ADAM9: variants seen among roughly 807,000 people sequenced by gnomAD.
ADAM9 encodes the protein disintegrin and metalloproteinase domain-containing protein 9.
ADAM9 carries 54 observed loss-of-function variants against 108.1 expected under a neutral mutation model. The observed-to-expected ratio is 0.50, with a 90% CI of 0.40 to 0.63. The LOEUF is 0.63. Ranked by LOEUF, ADAM9 falls within the 20% of genes least tolerant of loss-of-function variation. The pLI is 0.00. For missense variants in ADAM9, 830 were observed against 997.7 expected, an observed-to-expected ratio of 0.83 and a Z score of 2.26; for synonymous variants, 316 against 336.0, an observed-to-expected ratio of 0.94 and a Z score of 0.65.
At position 39,055,706 on chromosome 8, in the gene ADAM9, A is replaced by G; in HGVS notation, c.1525A>G (p.Lys509Glu). 6.2e-7 allele frequency: 1 copy of G among 1,613,810 alleles called. No homozygotes were observed. Among genetic ancestry groups the G allele is most frequent in the African/African-American group, 1.3e-5 (1 of 75,048 alleles). The change falls in exon 14 of 22, where the codon AAA (lysine) becomes GAA (glutamate). Residue 509 changes from lysine to glutamate, a missense_variant. Coordinates refer to ENST00000487273, the MANE Select transcript of ADAM9 (RefSeq NM_003816.3). Reference sequence around the variant, plus strand: ...GAATGGATATCCTTGCCAGAATAACAAAGCCTATTGCTACAACGGCATGTG... The same window carrying G: ...GAATGGATATCCTTGCCAGAATAACGAAGCCTATTGCTACAACGGCATGTG... ...IQNGYPCQNNKAYCYNGMCQY... is the reference protein window; with the variant it reads ...IQNGYPCQNNEAYCYNGMCQY...
Position 39,014,666 on chromosome 8 carries a change from C to T in ADAM9, c.333+623C>T, listed in dbSNP as rs1384205106. 6.0e-6 allele frequency: 4 copies of T among 670,730 alleles called. No individual in the cohort carries two copies. In the African/African-American group the frequency reaches 7.2e-5, roughly 12 times the overall value. 41.5% of individuals were successfully genotyped at this position (670,730 alleles called of 1,614,324 possible). ...TCCTTTTTGGCAGTTAGGTATTATACCTTTTTTTCTTTTGCAATGGTTTTC... is the reference window on the plus strand; with the variant it reads ...TCCTTTTTGGCAGTTAGGTATTATATCTTTTTTTCTTTTGCAATGGTTTTC... On this transcript the variant is annotated intron_variant, in intron 4 of 21. Coordinates refer to ENST00000487273, the MANE Select transcript of ADAM9 (RefSeq NM_003816.3).
At chr8:39,046,705 A>G (rs1042175842) in intron 12 of ADAM9, among the ~76,000 whole-genome samples, 2 of 152,104 alleles carry the variant, frequency 1.3e-5, no homozygotes, top group African/African-American at 2.4e-5. Context: ...TTCTGTATCT[A>G]TTGAGATGAT....
intron 14 of ADAM9, among the ~76,000 whole-genome samples, chr8:39,067,249 C>G (rs982140511): frequency 1.5e-4 from 23 of 152,064 alleles, no homozygotes; most frequent in Non-Finnish European, 5.9e-5. Context: ...TTTTTTGGTT[C>G]CATATGAACT....
chr8:39,012,795 G>A (rs528572412), intron 3 of ADAM9, among the ~76,000 whole-genome samples: 10 of 152,134 alleles, frequency 6.6e-5, no homozygotes, highest in Admixed American at 1.3e-4. Context: ...AGGGCCTGTC[G>A]TGGGGTAGGG....
At chr8:39,021,343 C>T (rs1037651687) in intron 7 of ADAM9, among the ~76,000 whole-genome samples, 12 of 151,968 alleles carry the variant, frequency 7.9e-5, no homozygotes, top group African/African-American at 1.7e-4. Flanking sequence ...AGTGAAATGG[C>T]GGGATCTTGG....
At chr8:39,052,996 C>T (rs982359419) in intron 12 of ADAM9, among the ~76,000 whole-genome samples, 1 of 152,092 alleles carries the variant, frequency 6.6e-6, no homozygotes, top group Non-Finnish European at 1.5e-5. Context: ...ACCAATACTT[C>T]GTGTGGTCAG....
rs533209787 is a variant in ADAM9 at position 39,001,689 on chromosome 8, A to T, written c.97+4529A>T. Among the ~76,000 whole-genome samples, 7 of 150,088 alleles carry T rather than the reference A, an allele frequency of 4.7e-5. No individual in the cohort carries two copies. In the South Asian group the frequency reaches 1.5e-3, roughly 32 times the overall value. ...GAAGGTAGTTTTTTTTTTTTTTGAGATGGAGTCTCACACTGTTGCCCAGAC... is the reference window on the plus strand; with the variant it reads ...GAAGGTAGTTTTTTTTTTTTTTGAGTTGGAGTCTCACACTGTTGCCCAGAC... On this transcript the variant is annotated intron_variant, in intron 1 of 21. Coordinates refer to ENST00000487273, the MANE Select transcript of ADAM9 (RefSeq NM_003816.3).
intron 14 of ADAM9, among the ~76,000 whole-genome samples, chr8:39,057,608 G>A (rs1391952986): frequency 6.6e-6 from 1 of 152,052 alleles, no homozygotes; most frequent in African/African-American, 2.4e-5. Context: ...TCATGACCAT[G>A]GAAGAGCTAG....
Position 39,016,176 on chromosome 8 carries a change from G to A in ADAM9, c.392G>A (p.Ser131Asn). 4 of 1,613,798 alleles carry A rather than the reference G, an allele frequency of 2.5e-6. No homozygotes were observed. The highest frequency in any genetic ancestry group is 3.4e-6 in the Non-Finnish European group (4 of 1,179,808). Reference protein sequence around the residue: ...EGVHNSSIALSDCFGLRGLLH... With the variant: ...EGVHNSSIALNDCFGLRGLLH... ...GTTCATAATTCATCCATTGCTCTTA[G>A]CGACTGTTTTGGACTCAGGTAAGCA... Residue 131 changes from serine (S) to asparagine (N), a missense_variant, in exon 5 of 22, where the codon AGC (serine) becomes AAC (asparagine). Transcript: ENST00000487273.
At position 39,077,427 on chromosome 8, in the gene ADAM9, T is replaced by C. The variant is rs1838882659; in HGVS notation, c.1881+16T>C. On this transcript the variant is annotated intron_variant, in intron 16 of 21. Coordinates refer to ENST00000487273, the MANE Select transcript of ADAM9 (RefSeq NM_003816.3). ...TGCTGGAAAGGTAATCAAAATATTTTTTATTTACAAAGTAAAATGAAAAAA... is the reference window on the plus strand; with the variant it reads ...TGCTGGAAAGGTAATCAAAATATTTCTTATTTACAAAGTAAAATGAAAAAA... 1 of 1,599,722 alleles carries C rather than the reference T, an allele frequency of 6.3e-7. No individual in the cohort carries two copies. The highest frequency in any genetic ancestry group is 8.5e-7 in the Non-Finnish European group (1 of 1,172,868).
chr8:39,059,479 C>T (rs1303843906), intron 14 of ADAM9, among the ~76,000 whole-genome samples: 1 of 152,218 alleles, frequency 6.6e-6, no homozygotes, highest in African/African-American at 2.4e-5. Context: ...CGCATCGCCT[C>T]CAACCCTGCC....
At chr8:39,011,799 G>T in intron 3 of ADAM9, 83 bp downstream of exon 3, 1 of 1,308,760 alleles carries the variant, frequency 7.6e-7, no homozygotes, top group Non-Finnish European at 1.1e-6. Context: ...ATATGGTTTA[G>T]TGGATCCTGA....
At chr8:39,062,157 C>T (rs534381585) in intron 14 of ADAM9, among the ~76,000 whole-genome samples, 23 of 152,286 alleles carry the variant, frequency 1.5e-4, no homozygotes, top group Admixed American at 5.9e-4. Context: ...TTATGGGATA[C>T]ACAAACATTG....
intron 4 of ADAM9, chr8:39,015,885 C>T (rs940189145): frequency 7.8e-6 from 4 of 513,122 alleles, no homozygotes; most frequent in African/African-American, 5.8e-5. Context: ...CTGTTTGTAC[C>T]TTGTATCCCC....
At chr8:38,997,240 G>C in intron 1 of ADAM9, 80 bp downstream of exon 1, 2 of 1,464,162 alleles carry the variant, frequency 1.4e-6, no homozygotes, top group Non-Finnish European at 1.8e-6. Context: ...TGGTGCCTGG[G>C]AGTGGAGGGG....
chr8:39,027,845 G>C (rs1181721892), intron 11 of ADAM9, among the ~76,000 whole-genome samples: 1 of 152,054 alleles, frequency 6.6e-6, no homozygotes, highest in Non-Finnish European at 1.5e-5. Context: ...AATTAGGGAG[G>C]ATTGCTTGAG....
intron 1 of ADAM9, among the ~76,000 whole-genome samples, chr8:38,999,609 G>C (rs903045843): frequency 6.6e-6 from 1 of 152,166 alleles, no homozygotes; most frequent in African/African-American, 2.4e-5. Context: ...TGTTTGTGCC[G>C]ATAGGAGAAT....
intron 20 of ADAM9, among the ~76,000 whole-genome samples, chr8:39,094,680 T>G (rs1056756791): frequency 1.3e-5 from 2 of 152,104 alleles, no homozygotes; most frequent in African/African-American, 4.8e-5. Flanking sequence ...GAATTTATTT[T>G]TTTCTAGGTT....
chr8:39,055,827 G>A, intron 14 of ADAM9, 55 bp downstream of exon 14: 1 of 1,522,006 alleles, frequency 6.6e-7, no homozygotes, highest in East Asian at 2.4e-5. Context: ...TTTTGATTTA[G>A]ATATTTTAAA....
Sources: gnomAD v4.1 joint callset for allele counts (sites outside exome capture counted in the v4.1 genomes callset) on GRCh38, gnomAD v4.1.1 for gene constraint, MANE v1.5 for transcripts, NCBI Gene and HGNC (gene_info 2026-07-23, HGNC 2026-07-21) for gene names.